Variants in ROBO2 observed in about 807,000 individuals in gnomAD.
ROBO2 encodes roundabout guidance receptor 2.
ROBO2 carries 53 observed loss-of-function variants against 160.8 expected under a neutral mutation model. The observed-to-expected ratio is 0.33, with a 90% CI of 0.26 to 0.41. ROBO2 has a LOEUF of 0.41. Ranked by LOEUF, ROBO2 falls within the 10% of genes least tolerant of loss-of-function variation. ROBO2 has a pLI of 1.00. For missense variants in ROBO2, 1,577 were observed against 1,722.4 expected (o/e 0.92, Z 1.49); for synonymous variants, 664 against 611.7 (o/e 1.09, Z -1.26).
At chr3:77,612,695 C>T (rs931396935) in intron 21 of ROBO2, among the ~76,000 whole-genome samples, 37 of 152,008 alleles carry the variant, frequency 2.4e-4, no homozygotes, top group African/African-American at 8.9e-4. Flanking sequence ...TCTTGTAATC[C>T]CAGCACGTTG....
At chr3:77,294,632 G>A (rs143339926) in intron 2 of ROBO2, among the ~76,000 whole-genome samples, 1,809 of 148,882 alleles carry the variant, frequency 0.012, 70 homozygotes, top group East Asian at 0.1. Context: ...ACGGTTAAAC[G>A]GGTAAGCTGA....
chr3:76,923,043 G>A (rs755583433), intron 2 of ROBO2, among the ~76,000 whole-genome samples: 4 of 152,188 alleles, frequency 2.6e-5, no homozygotes, highest in South Asian at 2.1e-4. Flanking sequence ...GAGTGGGAAC[G>A]TTAACATTTA....
intron 2 of ROBO2, among the ~76,000 whole-genome samples, chr3:76,885,032 G>T (rs941517374): frequency 3.9e-5 from 6 of 152,078 alleles, no homozygotes; most frequent in Non-Finnish European, 8.8e-5. Context: ...ATGCAAATCG[G>T]CTGAAAAGGT....
At chr3:76,897,051 A>G (rs1302413749) in intron 2 of ROBO2, among the ~76,000 whole-genome samples, 2 of 152,110 alleles carry the variant, frequency 1.3e-5, no homozygotes, top group Non-Finnish European at 2.9e-5. Context: ...AGTCCATTCA[A>G]ATATTTTACT....
chr3:77,050,811 T>A (rs2065155929), intron 1 of ROBO2, among the ~76,000 whole-genome samples: 1 of 149,292 alleles, frequency 6.7e-6, no homozygotes, highest in South Asian at 2.1e-4. Context: ...GAGTTTGAGA[T>A]CAGCCTGGGC....
At chr3:76,731,592 C>T in intron 2 of ROBO2, among the ~76,000 whole-genome samples, 1 of 152,056 alleles carries the variant, frequency 6.6e-6, no homozygotes, top group Non-Finnish European at 1.5e-5. Flanking sequence ...AATAATTTTC[C>T]TATTGGACAG....
At chr3:77,568,510 A>G in intron 13 of ROBO2, 76 bp downstream of exon 14, 1 of 1,536,572 alleles carries the variant, frequency 6.5e-7, no homozygotes, top group East Asian at 2.3e-5. Flanking sequence ...GCAAATGAAC[A>G]AAGAGTGATA....
chr3:76,899,376 A>C (rs982672988), intron 2 of ROBO2, among the ~76,000 whole-genome samples: 1 of 152,146 alleles, frequency 6.6e-6, no homozygotes, highest in Non-Finnish European at 1.5e-5. Context: ...ACAGAATAAC[A>C]ATACAACGGA....
intron 2 of ROBO2, among the ~76,000 whole-genome samples, chr3:77,149,978 A>G (rs2077419353): frequency 6.6e-6 from 1 of 152,176 alleles, no homozygotes; most frequent in African/African-American, 2.4e-5. Context: ...GCAAAAGACA[A>G]TGCTTCCTCA....
At chr3:76,611,187 T>C (rs2088092178) in intron 2 of ROBO2, among the ~76,000 whole-genome samples, 2 of 152,204 alleles carry the variant, frequency 1.3e-5, no homozygotes, top group South Asian at 4.1e-4. Flanking sequence ...GTGCACTCCA[T>C]CTGGAACTGG....
At chr3:76,425,516 G>C (rs199936279) in intron 2 of ROBO2, among the ~76,000 whole-genome samples, 149 of 86,080 alleles carry the variant, frequency 1.7e-3, no homozygotes, top group Middle Eastern at 5.6e-3. Flanking sequence ...GTGTGTGTGT[G>C]TGTGTGTGTC....
chr3:77,251,611 G>C (rs1357639490), intron 2 of ROBO2, among the ~76,000 whole-genome samples: 2 of 152,100 alleles, frequency 1.3e-5, no homozygotes, highest in Non-Finnish European at 2.9e-5. Context: ...ATATGGATTT[G>C]TTGCGTCCCG....
At chr3:76,100,968 T>A (rs1308964045) in intron 2 of ROBO2, among the ~76,000 whole-genome samples, 2 of 151,866 alleles carry the variant, frequency 1.3e-5, no homozygotes, top group East Asian at 3.9e-4. Context: ...AACTTAGTAA[T>A]AAATAAGTAA....
At chr3:75,978,672 A>G (rs1480799060) in intron 2 of ROBO2, among the ~76,000 whole-genome samples, 1 of 151,622 alleles carries the variant, frequency 6.6e-6, no homozygotes, top group Non-Finnish European at 1.5e-5. Context: ...TCTCAACAGT[A>G]GTAAAACTGC....
At chr3:76,977,373 G>A (rs2059864387) in intron 2 of ROBO2, among the ~76,000 whole-genome samples, 1 of 152,178 alleles carries the variant, frequency 6.6e-6, no homozygotes, top group East Asian at 1.9e-4. Context: ...TGAATGGTCA[G>A]CAGTTTTTGA....
intron 2 of ROBO2, among the ~76,000 whole-genome samples, chr3:77,230,893 T>G (rs983834809): frequency 6.6e-6 from 1 of 152,234 alleles, no homozygotes; most frequent in Admixed American, 6.5e-5. Context: ...GCCTTTAGCG[T>G]ATCTAGATTT....
chr3:76,177,247 G>C (rs568935383), intron 2 of ROBO2, among the ~76,000 whole-genome samples: 26 of 152,192 alleles, frequency 1.7e-4, no homozygotes, highest in African/African-American at 6.3e-4. Flanking sequence ...GAAGGAGATG[G>C]TATCTTAAAT....
chr3:76,806,808 G>C (rs2064760560), intron 2 of ROBO2, among the ~76,000 whole-genome samples: 1 of 151,978 alleles, frequency 6.6e-6, no homozygotes, highest in Admixed American at 6.6e-5. Flanking sequence ...ATACATATCA[G>C]AGCATTCTAT....
rs144147885 is a variant in ROBO2 at position 76,102,500 on chromosome 3, A to G, written c.109+164898A>G. On this transcript the variant is annotated intron_variant, in intron 2 of 26. Coordinates refer to the ROBO2 transcript ENST00000487694. ...TTATTATCTCCAAAATCATTATTTA[A>G]GAGCAGTCAAAGTAGTAACAGAAAA... Among the ~76,000 whole-genome samples the G allele has an allele frequency of 5.4e-3, 820 of 152,308 alleles. 11 individuals are homozygous for G. Among genetic ancestry groups the G allele is most frequent in the African/African-American group, 0.019 (793 of 41,572 alleles).
Sources: gnomAD v4.1 joint callset for allele counts (sites outside exome capture counted in the v4.1 genomes callset) on GRCh38, gnomAD v4.1.1 for gene constraint, MANE v1.5 for transcripts, NCBI Gene and HGNC (gene_info 2026-07-23, HGNC 2026-07-21) for gene names.